The following PRH1 variants were observed in gnomAD, a reference collection of about 807,000 sequenced individuals.
PRH1 encodes proline rich protein HaeIII subfamily 1, also known as salivary acidic proline-rich phosphoprotein 1/2.
Under a neutral mutation model 7.9 loss-of-function variants are expected in PRH1, and 7 were observed. The ratio of observed to expected loss-of-function variants is 0.89; its 90% CI spans 0.50 to 1.67. PRH1 has a LOEUF of 1.67. PRH1 is among the 40% of genes most tolerant of loss of function. PRH1 has a pLI of 0.00. For missense variants in PRH1, 109 were observed against 223.6 expected, an observed-to-expected ratio of 0.49 and a Z score of 3.27; for synonymous variants, 45 against 80.8, an observed-to-expected ratio of 0.56 and a Z score of 2.38.
intron 1 of PRH1, among the ~76,000 whole-genome samples, chr12:11,061,002 A>C (rs146182882): frequency 6.6e-6 from 1 of 152,374 alleles, no homozygotes; most frequent in African/African-American, 2.4e-5. Context: ...AGTTCTTAAT[A>C]ATTATAAATA....
At chr12:10,932,374 C>T in intron 2 of PRH1, 1 of 258,324 alleles carries the variant, frequency 3.9e-6, no homozygotes, top group South Asian at 3.9e-5. Flanking sequence ...ATCTGAGACC[C>T]ATGTTCACAT....
chr12:11,095,386 A>AT (rs1436289616), intron 1 of PRH1, among the ~76,000 whole-genome samples: 1 of 14,900 alleles, frequency 6.7e-5, no homozygotes, highest in African/African-American at 1.2e-4. Flanking sequence ...CCTCCATTCT[A>AT]TTTTTTGCCA....
Position 11,091,884 on chromosome 12 carries a change from A to C in PRH1, n.124-44696T>G, listed in dbSNP as rs201210705. The C allele has an allele frequency of 6.9e-5, 86 of 1,238,480 alleles. 24 individuals carry two copies. Among genetic ancestry groups the C allele is most frequent in the Non-Finnish European group, 9.7e-5 (85 of 878,870 alleles). 76.7% of individuals were successfully genotyped at this position (1,238,480 alleles called of 1,614,324 possible). ...CTCCTCTTTAAGTGAAGAAAAATAA[A>C]GTTGGAGAAATTGGCAATCTTGAGC... On this transcript the variant is annotated intron_variant and non_coding_transcript_variant, in intron 1 of 4. Transcript: ENST00000541977.
At chr12:11,167,274 T>C (rs1409723924) in intron 1 of PRH1, among the ~76,000 whole-genome samples, 3 of 152,120 alleles carry the variant, frequency 2.0e-5, no homozygotes, top group Non-Finnish European at 4.4e-5. Context: ...ACCACTCCTG[T>C]GTCTGGGGCT....
intron 1 of PRH1, among the ~76,000 whole-genome samples, chr12:11,129,969 G>T (rs79973177): frequency 0.21 from 32,091 of 151,866 alleles, 3,962 homozygotes; most frequent in Non-Finnish European, 0.27. Flanking sequence ...TGGGTAACAC[G>T]GTGACATCCC....
At chr12:10,903,627 G>A (rs754053142) in intron 2 of PRH1, among the ~76,000 whole-genome samples, 1 of 151,484 alleles carries the variant, frequency 6.6e-6, no homozygotes, top group Non-Finnish European at 1.5e-5. Flanking sequence ...CAAGAAAAGG[G>A]TCCCCACTCC....
At chr12:10,986,627 T>C (rs1326119811) in intron 1 of PRH1, 4 of 1,613,612 alleles carry the variant, frequency 2.5e-6, no homozygotes, top group Admixed American at 3.3e-5. Flanking sequence ...TTCTTAATTC[T>C]ACACTATAAA....
chr12:10,987,708 AT>A (rs1939723074), intron 1 of PRH1, among the ~76,000 whole-genome samples: 1 of 152,212 alleles, frequency 6.6e-6, no homozygotes, highest in East Asian at 1.9e-4. Flanking sequence ...CCCCAAAAAA[AT>A]GTATCAAACA....
chr12:10,943,731 T>C (rs930161588), intron 2 of PRH1, among the ~76,000 whole-genome samples: 2 of 152,228 alleles, frequency 1.3e-5, no homozygotes, highest in Non-Finnish European at 2.9e-5. Flanking sequence ...TAATCCATTT[T>C]GACTTGATTT....
chr12:11,149,607 G>A (rs1371807172), intron 1 of PRH1, among the ~76,000 whole-genome samples: 1 of 146,270 alleles, frequency 6.8e-6, no homozygotes, highest in African/African-American at 2.5e-5. Flanking sequence ...GGGAAAACTG[G>A]CTAGCCATAT....
chr12:11,020,364 ATATATATATATATATAT>A lies in PRH1; in HGVS notation c.-126+26639_-126+26655del, dbSNP rs1941548941. 9.8e-5 allele frequency among the ~76,000 whole-genome samples: 13 copies of A among 132,976 alleles called. 1 individual carries two copies. Among genetic ancestry groups the A allele is most frequent in the African/African-American group, 3.6e-4 (13 of 35,884 alleles). The allele number at this position is 132,976 out of a possible 152,430, so 87.2% of individuals were successfully genotyped here. On this transcript the variant is annotated intron_variant, in intron 1 of 3. Transcript: ENST00000539853. ...TACTAGGGAGGACGTATGATAAGCG[ATATATATATATATATAT>A]ATATATATATGTCTATAGATATAGA... is the stretch of plus-strand genomic sequence containing the variant.
At chr12:11,127,979 A>G (rs1295874354) in intron 1 of PRH1, among the ~76,000 whole-genome samples, 3 of 151,936 alleles carry the variant, frequency 2.0e-5, no homozygotes, top group East Asian at 1.9e-4. Context: ...GCATGGTGGC[A>G]GGCGCCTGTA....
intron 1 of PRH1, among the ~76,000 whole-genome samples, chr12:11,153,849 G>A (rs1458214454): frequency 6.6e-6 from 1 of 151,856 alleles, no homozygotes; most frequent in Non-Finnish European, 1.5e-5. Flanking sequence ...CTTATGAATG[G>A]GTAGATATAA....
At chr12:10,918,235 G>A (rs1949999582) in intron 2 of PRH1, among the ~76,000 whole-genome samples, 1 of 152,058 alleles carries the variant, frequency 6.6e-6, no homozygotes, top group South Asian at 2.1e-4. Context: ...GACGGGGGTG[G>A]GAGAGCATTA....
intron 1 of PRH1, chr12:11,134,136 T>C: frequency 6.2e-7 from 1 of 1,614,128 alleles, no homozygotes; most frequent in Non-Finnish European, 8.5e-7. Context: ...TTTTGTCTCT[T>C]GACCCACTCA....
chr12:11,065,604 T>C (rs1178564216), intron 1 of PRH1, among the ~76,000 whole-genome samples: 1 of 152,200 alleles, frequency 6.6e-6, no homozygotes, highest in African/African-American at 2.4e-5. Context: ...TTCATTACTC[T>C]TTTTTATCTT....
At chr12:10,970,203 T>C (rs1938739200) in intron 2 of PRH1, among the ~76,000 whole-genome samples, 1 of 152,230 alleles carries the variant, frequency 6.6e-6, no homozygotes, top group South Asian at 2.1e-4. Flanking sequence ...CATTTAACTT[T>C]CTGGTTTTTT....
At chr12:11,099,610 T>C (rs1257581061) in intron 1 of PRH1, among the ~76,000 whole-genome samples, 1 of 152,010 alleles carries the variant, frequency 6.6e-6, no homozygotes, top group African/African-American at 2.4e-5. Context: ...GGCAGGAGAA[T>C]CGCTTGAACC....
chr12:11,154,957 T>G (rs1421589706), intron 1 of PRH1, among the ~76,000 whole-genome samples: 10 of 152,122 alleles, frequency 6.6e-5, no homozygotes, highest in Non-Finnish European at 1.0e-4. Flanking sequence ...TGAGCCCCAA[T>G]AGTATACAGT....
Sources: gnomAD v4.1 joint callset for allele counts (sites outside exome capture counted in the v4.1 genomes callset) on GRCh38, gnomAD v4.1.1 for gene constraint, MANE v1.5 for transcripts, NCBI Gene and HGNC (gene_info 2026-07-23, HGNC 2026-07-21) for gene names.